MAPK8: variants seen among roughly 807,000 people sequenced by gnomAD.
The protein encoded by MAPK8 is JUN N-terminal kinase.
Under a neutral mutation model 52.9 loss-of-function variants are expected in MAPK8, and 13 were observed. The ratio of observed to expected loss-of-function variants is 0.25; its 90% confidence interval spans 0.16 to 0.39. The LOEUF is 0.39. Ranked by LOEUF, MAPK8 falls within the 10% of genes least tolerant of loss-of-function variation. MAPK8 has a pLI of 1.00. For synonymous variants in MAPK8, 191 were observed against 169.8 expected (o/e 1.12, Z -0.97); for missense variants, 300 against 519.2 (o/e 0.58, Z 4.10).
At chr10:48,323,114 A>G (rs1843146492) in intron 1 of MAPK8, among the ~76,000 whole-genome samples, 1 of 152,204 alleles carries the variant, frequency 6.6e-6, no homozygotes, top group Non-Finnish European at 1.5e-5. Flanking sequence ...AGAAATTATT[A>G]GAAAAGGGGG....
chr10:48,375,086 A>G (rs1249512339), intron 1 of MAPK8, among the ~76,000 whole-genome samples: 1 of 152,220 alleles, frequency 6.6e-6, no homozygotes, highest in Non-Finnish European at 1.5e-5. Flanking sequence ...GGTTCAACAT[A>G]TGCAAATCAA....
chr10:48,423,012 G>A (rs924512961), intron 6 of MAPK8, among the ~76,000 whole-genome samples: 5 of 152,308 alleles, frequency 3.3e-5, no homozygotes, highest in African/African-American at 1.2e-4. Context: ...GGGACCTTCA[G>A]ATGTCACAAC....
intron 1 of MAPK8, among the ~76,000 whole-genome samples, chr10:48,313,749 T>G (rs949621874): frequency 2.0e-5 from 3 of 152,180 alleles, no homozygotes; most frequent in African/African-American, 7.2e-5. Context: ...GCTTTTTTGT[T>G]TTTTGCTTGT....
At chr10:48,422,010 TTTATTTA>T (rs2133203984) in intron 6 of MAPK8, among the ~76,000 whole-genome samples, 1 of 63,082 alleles carries the variant, frequency 1.6e-5, no homozygotes, top group South Asian at 5.1e-4. Flanking sequence ...ATTTATCTTA[TTTATTTA>T]TTTATTTATT....
At chr10:48,410,753 G>A (rs1030319683) in intron 5 of MAPK8, among the ~76,000 whole-genome samples, 1 of 152,342 alleles carries the variant, frequency 6.6e-6, no homozygotes, top group Non-Finnish European at 1.5e-5. Context: ...CACTAGCAGT[G>A]TATGCGGGTT....
chr10:48,347,105 C>G (rs78684960), intron 1 of MAPK8, among the ~76,000 whole-genome samples: 1 of 152,170 alleles, frequency 6.6e-6, no homozygotes, highest in East Asian at 1.9e-4. Context: ...CTCTCGTTGC[C>G]GCACACAGGG....
At chr10:48,426,818 G>C in intron 9 of MAPK8, 2 of 476,358 alleles carry the variant, frequency 4.2e-6, no homozygotes, top group Non-Finnish European at 7.4e-6. Flanking sequence ...AAGGAAAACA[G>C]AATTCTGTGA....
intron 1 of MAPK8, among the ~76,000 whole-genome samples, chr10:48,338,156 A>G (rs909321533): frequency 9.4e-5 from 14 of 148,986 alleles, no homozygotes; most frequent in Non-Finnish European, 1.6e-4. Flanking sequence ...AAAAAGAAAA[A>G]CAGAAATGCA....
chr10:48,385,830 G>A lies in MAPK8; in HGVS notation c.-49-15782G>A, dbSNP rs2041281207. ...AGTAGTTTTTGCCCCATCTTGCTGA[G>A]CTTTTAGATTTTGAGATCATTTGTA... On this transcript the variant is annotated intron_variant, in intron 1 of 11. Transcript: ENST00000374189. Among the ~76,000 whole-genome samples, 5 of 151,994 alleles carry A rather than the reference G, an allele frequency of 3.3e-5. No homozygotes were observed. In the South Asian group the frequency reaches 8.3e-4, roughly 25 times the overall value.
chr10:48,361,202 C>T (rs537124953), intron 1 of MAPK8, among the ~76,000 whole-genome samples: 4 of 152,166 alleles, frequency 2.6e-5, no homozygotes, highest in South Asian at 2.1e-4. Flanking sequence ...TATTTCCGTA[C>T]GTCTGTTGCA....
At chr10:48,405,878 G>T (rs1219345150) in intron 3 of MAPK8, among the ~76,000 whole-genome samples, 1 of 65,370 alleles carries the variant, frequency 1.5e-5, no homozygotes, top group Non-Finnish European at 3.1e-5. Context: ...GAGTTACTGG[G>T]TTCATTATCA....
intron 1 of MAPK8, among the ~76,000 whole-genome samples, chr10:48,331,289 C>T (rs1844120738): frequency 6.6e-6 from 1 of 152,206 alleles, no homozygotes; most frequent in African/African-American, 2.4e-5. Context: ...TGGGATGCTA[C>T]TGTCTTGGTT....
chr10:48,398,250 A>G (rs774121213), intron 1 of MAPK8, among the ~76,000 whole-genome samples: 2 of 152,228 alleles, frequency 1.3e-5, no homozygotes, highest in Non-Finnish European at 2.9e-5. Context: ...TCTAGAATGT[A>G]TAGTCTTAAA....
chr10:48,324,503 GTTTT>G (rs370766776), intron 1 of MAPK8, among the ~76,000 whole-genome samples: 2 of 118,020 alleles, frequency 1.7e-5, no homozygotes, highest in African/African-American at 7.1e-5. Context: ...CTGTTTTCTA[GTTTT>G]TTTTTTTTTT....
At chr10:48,342,887 ATT>A (rs1355997711) in intron 1 of MAPK8, among the ~76,000 whole-genome samples, 1 of 152,194 alleles carries the variant, frequency 6.6e-6, no homozygotes, top group Non-Finnish European at 1.5e-5. Context: ...GTTTTATTAT[ATT>A]GAGGTAGTAA....
Position 48,422,006 on chromosome 10 carries a change from CTTATTTATTTATTTAT to C in MAPK8, c.616+1713_616+1728del, listed in dbSNP as rs199974312. 1.0e-3 allele frequency among the ~76,000 whole-genome samples: 149 copies of C among 143,954 alleles called. 1 individual carries two copies. The highest frequency in any genetic ancestry group is 1.5e-3 in the African/African-American group (59 of 38,398). The allele number at this position is 143,954 out of a possible 152,430, so 94.4% of individuals were successfully genotyped here. On this transcript the variant is annotated intron_variant, in intron 6 of 11. Coordinates refer to ENST00000374189, the MANE Select transcript of MAPK8 (RefSeq NM_001323329.2). ...GACACCTCACACTCATTTTATTTAT[CTTATTTATTTATTTAT>C]TTATTTATTTATTTATTTATTTATT...
intron 1 of MAPK8, among the ~76,000 whole-genome samples, chr10:48,328,968 C>T (rs947135845): frequency 9.2e-5 from 14 of 152,188 alleles, no homozygotes; most frequent in African/African-American, 2.7e-4. Flanking sequence ...CTTAGTAAAG[C>T]GTTTCCAACT....
At chr10:48,331,268 A>G (rs1272619803) in intron 1 of MAPK8, among the ~76,000 whole-genome samples, 1 of 152,144 alleles carries the variant, frequency 6.6e-6, no homozygotes, top group African/African-American at 2.4e-5. Flanking sequence ...CAGGCATCAA[A>G]TCTTACAGTC....
intron 11 of MAPK8, 50 bp downstream of exon 11, chr10:48,431,320 G>A: frequency 8.2e-7 from 1 of 1,218,924 alleles, no homozygotes; most frequent in African/African-American, 1.5e-5. Flanking sequence ...TTCTTGTGTT[G>A]TAATCTTCAG....
Sources: gnomAD v4.1 joint callset for allele counts (sites outside exome capture counted in the v4.1 genomes callset) on GRCh38, gnomAD v4.1.1 for gene constraint, MANE v1.5 for transcripts, NCBI Gene and HGNC (gene_info 2026-07-23, HGNC 2026-07-21) for gene names.